Variants in SLIT1 observed in about 807,000 individuals in gnomAD.
SLIT1 encodes the protein slit homolog 1 protein.
In SLIT1, 66 loss-of-function variants were observed where a neutral mutation model predicts 186.1. That is an observed-to-expected ratio of 0.35 (90% CI 0.29 to 0.44). The LOEUF is 0.44. Ranked by LOEUF, SLIT1 falls within the 20% of genes least tolerant of loss-of-function variation. The pLI is 1.00. For synonymous variants in SLIT1, 761 were observed against 833.8 expected, an observed-to-expected ratio of 0.91 and a Z score of 1.50; for missense variants, 1,638 against 2,037.4, an observed-to-expected ratio of 0.80 and a Z score of 3.77.
In SLIT1 at chr10:97,006,679, T is replaced by C. The variant is rs1024032534; in HGVS notation, c.3383A>G (p.Lys1128Arg). Residue 1128 changes from lysine (K) to arginine (R), a missense_variant, in exon 32 of 37, where the codon AAG becomes AGG. Physicochemically the swap from Lys to Arg is conservative, Grantham distance 26 (BLOSUM62 2). This residue lies in a region of SLIT1 where 1,245 missense variants were observed against 1,535.3 expected (regional missense o/e 0.81). Coordinates refer to ENST00000266058, the MANE Select transcript of SLIT1 (RefSeq NM_003061.3). The surrounding 1 kb of genome is among the most constrained non-coding windows in gnomAD (Gnocchi z 4.0). ...GCACTCAGTCCCCTCACAGGGGCTC[T>C]TGGGGGCAGGCAGATGGGGAGGGAT... Reference protein sequence around the residue: ...CEIPPHLPAPKSPCEGTECQN... With the variant: ...CEIPPHLPAPRSPCEGTECQN... The C allele has an allele frequency of 1.9e-6, 3 of 1,613,956 alleles. No individual in the cohort carries two copies. Among genetic ancestry groups the C allele is most frequent in the South Asian group, 1.1e-5 (1 of 91,052 alleles).
At chr10:97,096,570 C>T (rs955617008) in intron 4 of SLIT1, among the ~76,000 whole-genome samples, 11 of 152,154 alleles carry the variant, frequency 7.2e-5, no homozygotes, top group Admixed American at 1.3e-4. Flanking sequence ...AAAGGCTTCA[C>T]GGAGCCCGAG....
At position 97,006,821 on chromosome 10, in the gene SLIT1, G is replaced by T; in HGVS notation, c.3342-101C>A. On this transcript the variant is annotated intron_variant, in intron 31 of 36. Coordinates refer to ENST00000266058, the MANE Select transcript of SLIT1 (RefSeq NM_003061.3). The surrounding 1 kb of genome is among the most constrained non-coding windows in gnomAD (Gnocchi z 4.0). ...AATTCACTAAACATCTTGGGAAAATGGATTCTTAAAGCGACAGAAGATGCT... is the reference window on the plus strand; with the variant it reads ...AATTCACTAAACATCTTGGGAAAATTGATTCTTAAAGCGACAGAAGATGCT... The T allele has an allele frequency of 1.2e-6, 1 of 804,582 alleles. No homozygotes were observed. The highest frequency in any genetic ancestry group is 1.7e-5 in the South Asian group (1 of 60,382). The allele number at this position is 804,582 out of a possible 1,614,324, so 49.8% of individuals were successfully genotyped here. A position where few individuals can be genotyped will look rare whatever the true frequency, so the allele number is the denominator to read the frequency against.
rs749857888 is a variant in SLIT1, at chr10:97,021,457, G to A, written c.2583-44C>T. On this transcript the variant is annotated intron_variant, in intron 25 of 36. Transcript: ENST00000266058. The surrounding 1 kb of genome is among the most constrained non-coding windows in gnomAD (Gnocchi z 4.5). ...GAAGCAGGCATTACAGCTTCATGGG[G>A]TCCCTCGCCCACTGGGAACCTAGAG... 3 of 1,576,538 alleles carry A rather than the reference G, an allele frequency of 1.9e-6. No homozygotes were observed. Among genetic ancestry groups the A allele is most frequent in the African/African-American group, 1.3e-5 (1 of 74,088 alleles).
At chr10:97,149,046 C>T (rs185339835) in intron 4 of SLIT1, among the ~76,000 whole-genome samples, 3 of 152,226 alleles carry the variant, frequency 2.0e-5, no homozygotes, top group Non-Finnish European at 4.4e-5. Flanking sequence ...CGCTCGCCAC[C>T]CCCCCGTGGC....
chr10:97,031,462 C>T, intron 24 of SLIT1, 144 bp downstream of exon 24: 2 of 612,796 alleles, frequency 3.3e-6, no homozygotes, highest in Admixed American at 3.1e-5. Context: ...TGAGAGTATC[C>T]ACAGGGGCTT....
At chr10:97,095,897 CT>C (rs1223545757) in intron 4 of SLIT1, among the ~76,000 whole-genome samples, 1 of 152,202 alleles carries the variant, frequency 6.6e-6, no homozygotes, top group African/African-American at 2.4e-5. Context: ...CCCCTGGGGA[CT>C]TGTTCAGATG....
At chr10:97,125,118 G>GA (rs2134690348) in intron 4 of SLIT1, among the ~76,000 whole-genome samples, 1 of 152,304 alleles carries the variant, frequency 6.6e-6, no homozygotes, top group East Asian at 1.9e-4. Context: ...ATACTGTGAA[G>GA]ATGGAACAGC....
chr10:97,058,189 C>G (rs1420801146), intron 11 of SLIT1: 4 of 649,784 alleles, frequency 6.2e-6, no homozygotes, highest in Non-Finnish European at 1.1e-5. Flanking sequence ...ATCAGATTCC[C>G]ATTTCAGAAA....
At chr10:97,047,389 T>C (rs1032704860) in intron 16 of SLIT1, among the ~76,000 whole-genome samples, 1 of 152,270 alleles carries the variant, frequency 6.6e-6, no homozygotes. Flanking sequence ...TTTGGAATCA[T>C]GTCCCACAGA....
At chr10:97,126,687 C>A (rs1849606209) in intron 4 of SLIT1, among the ~76,000 whole-genome samples, 1 of 152,204 alleles carries the variant, frequency 6.6e-6, no homozygotes, top group Non-Finnish European at 1.5e-5. Context: ...CTCACTGATG[C>A]CTAGCTGGGC....
rs533980265 is a variant in SLIT1 at position 96,998,085 on chromosome 10, C to T, written c.*3027G>A. ...TCACATGGAAGACAACAGACAATAT[C>T]GACATAGTCTAAAACAATACTTCCA... is the stretch of plus-strand genomic sequence containing the variant. On this transcript the variant is annotated 3_prime_UTR_variant, in exon 37 of 37. Coordinates refer to ENST00000266058, the MANE Select transcript of SLIT1 (RefSeq NM_003061.3). The T allele has an allele frequency of 3.3e-5, 5 of 152,290 alleles. No homozygotes were observed. The highest frequency in any genetic ancestry group is 4.8e-5 in the African/African-American group (2 of 41,520). The allele number at this position is 152,290 out of a possible 1,614,324, so 9.4% of individuals were successfully genotyped here.
rs1025209086 is a variant in SLIT1, at chr10:97,135,564, C to T, written c.413+22254G>A. ...GGAGGCCGAGCAATAGTGAGGAAGC[C>T]GGGGTGGAAGCAGCTTCCCGCTGGG... On this transcript the variant is annotated intron_variant, in intron 4 of 36. Coordinates refer to ENST00000266058, the MANE Select transcript of SLIT1 (RefSeq NM_003061.3). 5.9e-5 allele frequency among the ~76,000 whole-genome samples: 9 copies of T among 152,120 alleles called. 1 individual carries two copies. The highest frequency in any genetic ancestry group is 3.9e-4 in the Admixed American group (6 of 15,280).
chr10:97,105,987 C>A (rs1348487939), intron 4 of SLIT1, among the ~76,000 whole-genome samples: 2 of 152,188 alleles, frequency 1.3e-5, no homozygotes, highest in Non-Finnish European at 2.9e-5. Flanking sequence ...CAGATGGTAC[C>A]CATGGTGGGC....
rs573899095 is a variant in SLIT1, at chr10:97,043,315, G to T, written c.1997+55C>A. On this transcript the variant is annotated intron_variant, in intron 19 of 36. Transcript: ENST00000266058. This position sits in a 1 kb window ranked among gnomAD's most constrained non-coding sequence, Gnocchi z 7.0. The stretch of plus-strand genomic sequence containing the variant: ...CTCTTTCAAAGTGGCTGGCCGAGAC[G>T]GTTGGGACGGTTGCTCCAGAGCCCC... 3.7e-6 allele frequency: 6 copies of T among 1,606,770 alleles called. No homozygotes were observed. Among genetic ancestry groups the T allele is most frequent in the Non-Finnish European group, 3.4e-6 (4 of 1,175,424 alleles).
chr10:97,126,522 T>C (rs779825398), intron 4 of SLIT1, among the ~76,000 whole-genome samples: 2 of 152,208 alleles, frequency 1.3e-5, no homozygotes, highest in Non-Finnish European at 2.9e-5. Flanking sequence ...ACTTCTTCAC[T>C]GATACATTTT....
At chr10:97,074,793 C>G (rs1052926108) in intron 4 of SLIT1, among the ~76,000 whole-genome samples, 29 of 152,252 alleles carry the variant, frequency 1.9e-4, no homozygotes, top group African/African-American at 7.0e-4. Flanking sequence ...GCACCCTGCT[C>G]TGGCTGCCCC....
intron 30 of SLIT1, 115 bp downstream of exon 30, chr10:97,013,626 A>G: frequency 1.3e-6 from 1 of 773,532 alleles, no homozygotes; most frequent in Non-Finnish European, 2.2e-6. Flanking sequence ...TAGAGCTGAG[A>G]CCAAACCCAT....
chr10:97,047,218 C>G (rs1445890446), intron 16 of SLIT1, among the ~76,000 whole-genome samples, 153 bp from the exon 17 acceptor site: 2 of 152,080 alleles, frequency 1.3e-5, no homozygotes, highest in African/African-American at 4.8e-5. Context: ...AAGGCTGGGC[C>G]TAGTACTGGG....
intron 15 of SLIT1, 32 bp from the exon 16 acceptor site, chr10:97,047,866 G>A: frequency 1.2e-6 from 2 of 1,613,364 alleles, no homozygotes; most frequent in Non-Finnish European, 1.7e-6. Context: ...AGAGGCTGAG[G>A]AGCCCGGGGC....
Sources: allele counts gnomAD v4.1 joint callset (sites outside exome capture counted in the v4.1 genomes callset), GRCh38; gene constraint gnomAD v4.1.1; regional missense constraint gnomAD v4.1.1; non-coding constraint Gnocchi (gnomAD v3.1); transcripts MANE v1.5; gene names NCBI Gene and HGNC (gene_info 2026-07-23, HGNC 2026-07-21).